OPRM1: variants seen among roughly 807,000 people sequenced by gnomAD.
OPRM1 encodes mu-type opioid receptor.
A neutral mutation model predicts 31.8 loss-of-function variants in OPRM1; 27 were observed. The observed-to-expected ratio is 0.85, with a 90% CI of 0.63 to 1.17. The LOEUF (loss-of-function observed/expected upper bound fraction) is 1.17. Ranked by LOEUF, OPRM1 falls within the 50% of genes most tolerant of loss-of-function variation. OPRM1 has a pLI of 0.00. For missense variants in OPRM1, 536 were observed against 511.1 expected, an observed-to-expected ratio of 1.05 and a Z score of -0.47; for synonymous variants, 196 against 189.9, an observed-to-expected ratio of 1.03 and a Z score of -0.26.
At chr6:154,086,760 G>T (rs1379774699) in intron 1 of OPRM1, 4 of 985,280 alleles carry the variant, frequency 4.1e-6, no homozygotes, top group Non-Finnish European at 3.6e-6. Context: ...GCCACGAAAT[G>T]TAAGGTCTGC....
chr6:154,105,643 T>A (rs1168596697), intron 3 of OPRM1, among the ~76,000 whole-genome samples: 1 of 152,228 alleles, frequency 6.6e-6, no homozygotes, highest in Non-Finnish European at 1.5e-5. Context: ...TTTGCTTACT[T>A]CTGTGGCACA....
chr6:154,215,767 C>T lies in OPRM1; in HGVS notation c.1165-30926C>T, dbSNP rs995791513. Among the ~76,000 whole-genome samples, 10 of 152,046 alleles carry T rather than the reference C, an allele frequency of 6.6e-5. No individual in the cohort carries two copies. The South Asian group carries it at 8.3e-4, about 13-fold the overall frequency. On this transcript the variant is annotated intron_variant, in intron 3 of 3. Transcript: ENST00000337049. ...ATTGGACCAATGAAGAGCCCAGATACGAAACAGGAACCCAAAAATGTATAT... is the reference window on the plus strand; with the variant it reads ...ATTGGACCAATGAAGAGCCCAGATATGAAACAGGAACCCAAAAATGTATAT...
At chr6:154,040,815 G>A (rs1388841499) in intron 1 of OPRM1, among the ~76,000 whole-genome samples, 1 of 152,230 alleles carries the variant, frequency 6.6e-6, no homozygotes, top group Non-Finnish European at 1.5e-5. Context: ...ATTTGGCAGA[G>A]TGTGGAAGCT....
intron 3 of OPRM1, among the ~76,000 whole-genome samples, chr6:154,172,345 C>T (rs977987428): frequency 8.5e-5 from 13 of 152,198 alleles, no homozygotes; most frequent in African/African-American, 3.1e-4. Flanking sequence ...TGTCACCTCA[C>T]CTGGGAAACA....
Position 154,150,910 on chromosome 6 carries a change from A to C in OPRM1, c.1164+59438A>C, listed in dbSNP as rs143458698. Among the ~76,000 whole-genome samples, 532 of 152,354 alleles carry C rather than the reference A, an allele frequency of 3.5e-3. 4 individuals carry two copies. The highest frequency in any genetic ancestry group is 0.012 in the African/African-American group (504 of 41,590). On this transcript the variant is annotated intron_variant, in intron 3 of 3. Coordinates refer to the OPRM1 transcript ENST00000337049. ...CTCCAACATTTTGCTTTAAATTGTTAATAGACCTGAGCCTGTTATCTAAGC... is the reference window on the plus strand; with the variant it reads ...CTCCAACATTTTGCTTTAAATTGTTCATAGACCTGAGCCTGTTATCTAAGC...
intron 1 of OPRM1, among the ~76,000 whole-genome samples, chr6:154,061,556 A>G (rs554367881): frequency 3.3e-5 from 5 of 152,284 alleles, no homozygotes; most frequent in Non-Finnish European, 5.9e-5. Flanking sequence ...CTTCTGAGGC[A>G]ATGTATGCAG....
intron 3 of OPRM1, among the ~76,000 whole-genome samples, chr6:154,149,654 A>AGAGAGAGAGAGG (rs1798448202): frequency 6.6e-6 from 1 of 151,720 alleles, no homozygotes. Flanking sequence ...AGAGAGAGAG[A>AGAGAGAGAGAGG]GAGAAACTTC....
rs989765733 is a variant in OPRM1, at chr6:154,222,501, C to T, written c.1165-24192C>T. Among the ~76,000 whole-genome samples, 25 of 152,172 alleles carry T rather than the reference C, an allele frequency of 1.6e-4. 2 individuals are homozygous for T. Among genetic ancestry groups the T allele is most frequent in the Admixed American group, 1.2e-3 (19 of 15,286 alleles). On this transcript the variant is annotated intron_variant, in intron 3 of 3. Coordinates refer to the OPRM1 transcript ENST00000337049. ...AGAAAAAGGTGAAAATGGACACATA[C>T]GCAAAATATAGCAGACTGCTATCAT...
downstream of OPRM1, among the ~76,000 whole-genome samples, chr6:154,132,990 A>G (rs1026811521): frequency 6.6e-6 from 1 of 152,084 alleles, no homozygotes; most frequent in Non-Finnish European, 1.5e-5. Context: ...GCATGGTGGC[A>G]GGCACCTGTA....
At chr6:154,115,902 A>C (rs188147792) in intron 3 of OPRM1, among the ~76,000 whole-genome samples, 2 of 152,338 alleles carry the variant, frequency 1.3e-5, no homozygotes, top group East Asian at 3.9e-4. Context: ...TCATCCGATC[A>C]TTCCCTTCTT....
At chr6:154,223,711 T>C (rs191811801) in intron 3 of OPRM1, among the ~76,000 whole-genome samples, 14 of 152,336 alleles carry the variant, frequency 9.2e-5, no homozygotes, top group Non-Finnish European at 1.9e-4. Context: ...CTATCATGGA[T>C]TGACCACTTA....
At chr6:154,093,551 G>A in intron 3 of OPRM1, 1 of 1,542,082 alleles carries the variant, frequency 6.5e-7, no homozygotes, top group Non-Finnish European at 8.7e-7. Flanking sequence ...GAGAAAAGAA[G>A]CTAATTGGAG....
At chr6:154,031,561 C>T (rs1562378537) in intron 1 of OPRM1, among the ~76,000 whole-genome samples, 1 of 151,638 alleles carries the variant, frequency 6.6e-6, no homozygotes, top group Non-Finnish European at 1.5e-5. Flanking sequence ...ATGGTGAAAC[C>T]CCATCTCTAC....
In OPRM1 at chr6:154,121,329, C is replaced by T. The variant is rs112098231; in HGVS notation, c.*2608C>T. 4.1e-4 allele frequency among the ~76,000 whole-genome samples: 63 copies of T among 152,234 alleles called. No individual in the cohort carries two copies. Among genetic ancestry groups the T allele is most frequent in the African/African-American group, 1.5e-3 (62 of 41,540 alleles). On this transcript the variant is annotated 3_prime_UTR_variant, in exon 4 of 4. Coordinates refer to ENST00000330432, the MANE Select transcript of OPRM1 (RefSeq NM_000914.5). ...TCCACTGTTATTTTGCTCCTTCATC[C>T]CTCTTTCCTTGCCAATCATTAGAAA...
Position 154,118,930 on chromosome 6 carries a change from A to C in OPRM1, c.*209A>C, listed in dbSNP as rs1797152301. 1.5e-6 allele frequency: 2 copies of C among 1,354,642 alleles called. No individual in the cohort carries two copies. Among genetic ancestry groups the C allele is most frequent in the African/African-American group, 2.9e-5 (2 of 68,020 alleles). The allele number at this position is 1,354,642 out of a possible 1,614,324, so 83.9% of individuals were successfully genotyped here. ...GGAGCATTTGGAAGGAAAGGAATAT[A>C]CCACACCGAGGAGTCCAGTTTGTGC... is the stretch of plus-strand genomic sequence containing the variant. On this transcript the variant is annotated 3_prime_UTR_variant, in exon 4 of 4. Coordinates refer to ENST00000330432, the MANE Select transcript of OPRM1 (RefSeq NM_000914.5).
chr6:154,186,722 A>G (rs113297441), intron 3 of OPRM1, among the ~76,000 whole-genome samples: 1 of 151,474 alleles, frequency 6.6e-6, no homozygotes, highest in African/African-American at 2.4e-5. Flanking sequence ...ACGCCTGGCT[A>G]ATTTTTTGTA....
At chr6:154,098,977 G>A (rs1793874518) in intron 3 of OPRM1, among the ~76,000 whole-genome samples, 1 of 151,932 alleles carries the variant, frequency 6.6e-6, no homozygotes, top group Non-Finnish European at 1.5e-5. Flanking sequence ...TTTTCATGAT[G>A]AAGAAAAAAA....
At chr6:154,179,992 C>T (rs1800694349) in intron 3 of OPRM1, among the ~76,000 whole-genome samples, 1 of 152,134 alleles carries the variant, frequency 6.6e-6, no homozygotes, top group African/African-American at 2.4e-5. Flanking sequence ...GTAGCAAGGC[C>T]AGCCTGTTAG....
intron 1 of OPRM1, among the ~76,000 whole-genome samples, chr6:154,019,165 G>C (rs1389737278): frequency 7.0e-6 from 1 of 143,244 alleles, no homozygotes; most frequent in Non-Finnish European, 1.5e-5. Flanking sequence ...ATGATTGACT[G>C]TAGTCACCCT....
Sources: allele counts gnomAD v4.1 joint callset (sites outside exome capture counted in the v4.1 genomes callset), GRCh38; gene constraint gnomAD v4.1.1; transcripts MANE v1.5; gene names NCBI Gene and HGNC (gene_info 2026-07-23, HGNC 2026-07-21).